Variants in HIF3A observed in about 807,000 individuals in gnomAD.
HIF3A encodes hypoxia-inducible factor 3-alpha.
A neutral mutation model predicts 67.2 loss-of-function variants in HIF3A; 41 were observed. The observed-to-expected ratio is 0.61, with a 90% CI of 0.48 to 0.79. The LOEUF (loss-of-function observed/expected upper bound fraction) is 0.79. Ranked by LOEUF, HIF3A falls within the 30% of genes least tolerant of loss-of-function variation. The pLI is 0.00. For missense variants in HIF3A, 855 were observed against 898.0 expected, an observed-to-expected ratio of 0.95 and a Z score of 0.61; for synonymous variants, 356 against 374.8, an observed-to-expected ratio of 0.95 and a Z score of 0.58.
At chr19:46,331,475 C>T (rs1971213347) in intron 13 of HIF3A, 1 of 278,712 alleles carries the variant, frequency 3.6e-6, no homozygotes, top group African/African-American at 2.3e-5. Flanking sequence ...GAGATTGCGC[C>T]ACTGCACCCC....
chr19:46,310,942 G>A (rs997443026), intron 6 of HIF3A, among the ~76,000 whole-genome samples: 3 of 152,106 alleles, frequency 2.0e-5, no homozygotes, highest in African/African-American at 7.2e-5. Context: ...GTAGAGATGG[G>A]GTTTTACCAT....
At chr19:46,305,184 A>C (rs748720670) in intron 2 of HIF3A, 61 bp from the exon 3 acceptor site, 2 of 1,610,478 alleles carry the variant, frequency 1.2e-6, no homozygotes. Context: ...GCCCAGGGTC[A>C]GTCCATAATT....
chr19:46,333,043 T>C (rs1054953138), intron 13 of HIF3A, among the ~76,000 whole-genome samples: 2 of 151,666 alleles, frequency 1.3e-5, no homozygotes, highest in African/African-American at 4.8e-5. Flanking sequence ...TGTATATATA[T>C]GTATATATGT....
intron 14 of HIF3A, 23 bp downstream of exon 14, chr19:46,335,009 A>G (rs769337720): frequency 3.2e-6 from 5 of 1,580,664 alleles, no homozygotes; most frequent in Non-Finnish European, 4.3e-6. Context: ...CTGGGTATCC[A>G]GAGCCCCAGA....
At chr19:46,312,332 C>T (rs770540295) in intron 7 of HIF3A, 65 bp downstream of exon 7, 6 of 1,612,592 alleles carry the variant, frequency 3.7e-6, no homozygotes, top group Non-Finnish European at 5.1e-6. Flanking sequence ...ACACCAGGAC[C>T]CCCCAGCTCC....
chr19:46,301,561 C>T (rs1313744147), intron 1 of HIF3A, among the ~76,000 whole-genome samples: 1 of 152,170 alleles, frequency 6.6e-6, no homozygotes, highest in Admixed American at 6.5e-5. Context: ...CATGGTGGCT[C>T]ACGCCTGTAA....
At chr19:46,333,162 T>C (rs1971361699) in intron 13 of HIF3A, among the ~76,000 whole-genome samples, 1 of 152,162 alleles carries the variant, frequency 6.6e-6, no homozygotes. Context: ...ACAACTACTA[T>C]TGAAATGTTC....
rs1391746131 is a variant in HIF3A at position 46,321,835 on chromosome 19, CTGG to C, written c.1205_1207del (p.Leu402_Ala403delinsPro). 5 of 1,613,844 alleles carry C rather than the reference CTGG, an allele frequency of 3.1e-6. No individual in the cohort carries two copies. In the Admixed American group the frequency reaches 6.7e-5, roughly 22 times the overall value. ...CCCGCCTTCCCTGAGCGAGGCTGCC[CTGG>C]CCGCTGACCCCCGCCGTTTCTGCAG... On this transcript the variant is annotated inframe_deletion, in exon 10 of 15. Coordinates refer to ENST00000377670, the MANE Select transcript of HIF3A (RefSeq NM_152795.4).
At chr19:46,312,006 C>G (rs977832732) in intron 6 of HIF3A, 155 bp from the exon 7 acceptor site, 1 of 772,444 alleles carries the variant, frequency 1.3e-6, no homozygotes, top group Non-Finnish European at 2.4e-6. Flanking sequence ...CACCACACTC[C>G]TCTTGTTCTG....
chr19:46,311,927 A>G, intron 6 of HIF3A: 1 of 723,030 alleles, frequency 1.4e-6, no homozygotes, highest in Non-Finnish European at 2.5e-6. Flanking sequence ...CCCTTTAGCC[A>G]CGTAAGAGAC....
intron 12 of HIF3A, among the ~76,000 whole-genome samples, chr19:46,330,221 T>C (rs1002716784): frequency 2.6e-5 from 4 of 151,896 alleles, no homozygotes; most frequent in Admixed American, 6.6e-5. Context: ...TAAATACTTA[T>C]TAAATGAGGG....
At chr19:46,312,294 A>C (rs1415204287) in intron 7 of HIF3A, 27 bp downstream of exon 7, 2 of 1,613,842 alleles carry the variant, frequency 1.2e-6, no homozygotes, top group Non-Finnish European at 8.5e-7. Flanking sequence ...CCCAGGTGCG[A>C]AGCCAGCTGC....
At chr19:46,328,307 G>A (rs1229966842) in intron 11 of HIF3A, among the ~76,000 whole-genome samples, 1 of 152,202 alleles carries the variant, frequency 6.6e-6, no homozygotes, top group Non-Finnish European at 1.5e-5. Flanking sequence ...TAACTTCCAG[G>A]AGCTGGGACA....
At position 46,321,769 on chromosome 19, in the gene HIF3A, C is replaced by A. The variant is rs750835599; in HGVS notation, c.1145-7C>A. ...CCGTGTCCTCCCCATCTCCATGTGT[C>A]CTGCAGACACCCCTGGCCCCCGGAT... is the stretch of plus-strand genomic sequence containing the variant. On this transcript the variant is annotated splice_polypyrimidine_tract_variant and splice_region_variant and intron_variant, in intron 9 of 14. Coordinates refer to ENST00000377670, the MANE Select transcript of HIF3A (RefSeq NM_152795.4). 1 of 1,612,196 alleles carries A rather than the reference C, an allele frequency of 6.2e-7. No individual in the cohort carries two copies.
At chr19:46,312,737 G>GTGTGTGTA in intron 8 of HIF3A, 84 bp downstream of exon 8, 6 of 1,496,620 alleles carry the variant, frequency 4.0e-6, no homozygotes, top group Non-Finnish European at 5.3e-6. Flanking sequence ...GTGTGTGTGT[G>GTGTGTGTA]CGTATGAGCA....
intron 1 of HIF3A, chr19:46,298,374 C>T (rs1601166560): frequency 7.8e-7 from 1 of 1,280,730 alleles, no homozygotes; most frequent in East Asian, 5.6e-5. Context: ...CCCCCCCTCC[C>T]CACCCAAGGC....
At chr19:46,327,369 T>G (rs1325264846) in intron 11 of HIF3A, among the ~76,000 whole-genome samples, 1 of 151,386 alleles carries the variant, frequency 6.6e-6, no homozygotes, top group Non-Finnish European at 1.5e-5. Context: ...AAGCTGGAAT[T>G]CAGTGACGCA....
At chr19:46,301,821 CAAAAAA>C (rs747426029) in intron 1 of HIF3A, among the ~76,000 whole-genome samples, 78 of 82,726 alleles carry the variant, frequency 9.4e-4, no homozygotes, top group African/African-American at 2.9e-3. Flanking sequence ...AACTCCGTCT[CAAAAAA>C]AAAAAAAAAT....
rs1568527350 is a variant in HIF3A at position 46,320,493 on chromosome 19, ACT to A, written c.1080_1081del (p.Arg361GlnfsTer15). 1.2e-6 allele frequency: 2 copies of A among 1,613,860 alleles called. No homozygotes were observed. Among genetic ancestry groups the A allele is most frequent in the South Asian group, 1.1e-5 (1 of 91,056 alleles). On this transcript the variant is annotated frameshift_variant, in exon 9 of 15. Transcript: ENST00000377670. LOFTEE classifies it high-confidence loss of function. ...CTGTCCCTGGAGCAAACGGAGCAAC[ACT>A]CTCGCAGACCCATTCAGCGGGGCGC...
Sources: allele counts gnomAD v4.1 joint callset (sites outside exome capture counted in the v4.1 genomes callset), GRCh38; gene constraint gnomAD v4.1.1; transcripts MANE v1.5; gene names NCBI Gene and HGNC (gene_info 2026-07-23, HGNC 2026-07-21).